ABI3BP: variants seen among roughly 807,000 people sequenced by gnomAD.
The protein encoded by ABI3BP is ABI family member 3 binding protein, also known as target of Nesh-SH3.
Under a neutral mutation model 268.6 loss-of-function variants are expected in ABI3BP, and 216 were observed. The observed-to-expected ratio is 0.80, with a 90% CI of 0.72 to 0.90. ABI3BP has a LOEUF of 0.90. Among genes scored for constraint, ABI3BP ranks in the 40% least tolerant of loss-of-function variants. The pLI is 0.00. For missense variants in ABI3BP, 2,090 were observed against 2,182.4 expected (o/e 0.96, Z 0.84); for synonymous variants, 730 against 730.0 (o/e 1.00, Z 0.00).
chr3:100,802,653 TCTGAGA>T (rs1255131413), intron 51 of ABI3BP, among the ~76,000 whole-genome samples: 1 of 152,066 alleles, frequency 6.6e-6, no homozygotes, highest in African/African-American at 2.4e-5. Flanking sequence ...GTACAATGAA[TCTGAGA>T]CTGACTTCCT....
chr3:100,988,364 T>C (rs1378811575), intron 1 of ABI3BP, among the ~76,000 whole-genome samples: 1 of 152,136 alleles, frequency 6.6e-6, no homozygotes, highest in Non-Finnish European at 1.5e-5. Context: ...TCAGGCCAGA[T>C]AGAGACAAGG....
chr3:100,850,287 T>C (rs1425287144), intron 16 of ABI3BP, among the ~76,000 whole-genome samples, 168 bp from the exon 17 acceptor site: 1 of 152,130 alleles, frequency 6.6e-6, no homozygotes, highest in African/African-American at 2.4e-5. Context: ...TGATTTAAAG[T>C]AGGGAAAAGG....
In ABI3BP at chr3:100,800,391, A is replaced by G. The variant is rs146938659; in HGVS notation, c.3758-3923T>C. ...CTTAGCATAACCTAAAAGCCTTCAA[A>G]CATATGAATCCAATTTACATTAAGT... is the stretch of plus-strand genomic sequence containing the variant. On this transcript the variant is annotated intron_variant, in intron 51 of 67. Coordinates refer to ENST00000471714, the MANE Select transcript of ABI3BP (RefSeq NM_001375547.2). 2.0e-5 allele frequency among the ~76,000 whole-genome samples: 3 copies of G among 152,338 alleles called. No homozygotes were observed. The East Asian group carries it at 5.8e-4, about 29-fold the overall frequency.
intron 62 of ABI3BP, among the ~76,000 whole-genome samples, chr3:100,767,753 G>A (rs943343859): frequency 6.6e-5 from 10 of 152,132 alleles, no homozygotes; most frequent in African/African-American, 2.4e-4. Context: ...GGTGGAAAGT[G>A]CCTTGATAGT....
Position 100,901,405 on chromosome 3 carries a change from A to G in ABI3BP, c.328+1213T>C, listed in dbSNP as rs147860061. ...CAAAAAGATCCTTTTATCGTGTGGT[A>G]TCCAGTGTACCATAAAAGATGAACA... On this transcript the variant is annotated intron_variant, in intron 3 of 67. Transcript: ENST00000471714. Among the ~76,000 whole-genome samples, 703 of 152,064 alleles carry G rather than the reference A, an allele frequency of 4.6e-3. 3 individuals carry two copies. The highest frequency in any genetic ancestry group is 8.1e-3 in the Non-Finnish European group (550 of 67,940).
chr3:100,830,102 CATACATACAT>C (rs2098458620), intron 32 of ABI3BP, among the ~76,000 whole-genome samples: 1 of 56,212 alleles, frequency 1.8e-5, no homozygotes, highest in African/African-American at 8.3e-5. Context: ...TACATACATA[CATACATACAT>C]ATATATATAT....
intron 19 of ABI3BP, 149 bp from the exon 20 acceptor site, chr3:100,846,595 G>T: frequency 3.7e-6 from 2 of 544,096 alleles, no homozygotes; most frequent in Non-Finnish European, 6.4e-6. Context: ...TCCATTAAGA[G>T]AATATTTCAT....
intron 51 of ABI3BP, among the ~76,000 whole-genome samples, chr3:100,801,025 T>C (rs1001325599): frequency 6.6e-6 from 1 of 152,142 alleles, no homozygotes; most frequent in African/African-American, 2.4e-5. Context: ...TGTTGGGTGG[T>C]AGAGATTATA....
intron 20 of ABI3BP, chr3:100,843,543 GA>G (rs2098733361): frequency 6.0e-6 from 1 of 167,742 alleles, no homozygotes; most frequent in African/African-American, 1.3e-4. Context: ...GTGTGTGTGT[GA>G]GAGAGAGAGA....
At chr3:100,843,985 T>C in intron 20 of ABI3BP, 1 of 984,798 alleles carries the variant, frequency 1.0e-6, no homozygotes, top group Non-Finnish European at 1.2e-6. Context: ...GGGATAGAAC[T>C]CCATCAATTA....
intron 63 of ABI3BP, among the ~76,000 whole-genome samples, chr3:100,761,525 T>A (rs1431300263): frequency 2.0e-5 from 3 of 152,060 alleles, no homozygotes; most frequent in Non-Finnish European, 4.4e-5. Flanking sequence ...AACTCTACCA[T>A]TAGCAAAACA....
chr3:100,956,214 AACACACACACACACACACACACAC>A (rs58723365), intron 1 of ABI3BP, among the ~76,000 whole-genome samples: 1 of 133,708 alleles, frequency 7.5e-6, no homozygotes, highest in Non-Finnish European at 1.6e-5. Flanking sequence ...AAAGAAAAAC[AACACACACACACACACACACACAC>A]ACACACACAC....
Position 100,767,438 on chromosome 3 carries a change from C to G in ABI3BP, c.4742-1489G>C, listed in dbSNP as rs910509632. Among the ~76,000 whole-genome samples the G allele has an allele frequency of 2.0e-5, 3 of 151,852 alleles. No individual in the cohort carries two copies. The East Asian group carries it at 5.8e-4, about 29-fold the overall frequency. On this transcript the variant is annotated intron_variant, in intron 62 of 67. Coordinates refer to ENST00000471714, the MANE Select transcript of ABI3BP (RefSeq NM_001375547.2). ...GCTGTCACTGAGACTTCTTTTTGATCCAAAACTATCTCTCAGCTGGCTCTC... is the reference window on the plus strand; with the variant it reads ...GCTGTCACTGAGACTTCTTTTTGATGCAAAACTATCTCTCAGCTGGCTCTC...
chr3:100,922,016 G>A (rs2060373717), intron 2 of ABI3BP, among the ~76,000 whole-genome samples: 1 of 152,232 alleles, frequency 6.6e-6, no homozygotes, highest in African/African-American at 2.4e-5. Context: ...AATTCACTGT[G>A]TTTGGGTATA....
chr3:100,988,222 A>G (rs1289079597), intron 1 of ABI3BP, among the ~76,000 whole-genome samples: 4 of 152,194 alleles, frequency 2.6e-5, no homozygotes, highest in Admixed American at 2.0e-4. Context: ...TGTTTTGTCA[A>G]AGTGAGGTTG....
chr3:100,823,791 GA>G (rs2098297921), intron 36 of ABI3BP, among the ~76,000 whole-genome samples: 1 of 152,138 alleles, frequency 6.6e-6, no homozygotes, highest in African/African-American at 2.4e-5. Context: ...TTCTGATATG[GA>G]AAACTGCACT....
intron 1 of ABI3BP, among the ~76,000 whole-genome samples, chr3:100,966,277 A>G (rs2081269567): frequency 6.6e-6 from 1 of 152,238 alleles, no homozygotes; most frequent in South Asian, 2.1e-4. Context: ...CATCTAGCTA[A>G]CAGGGTAAGA....
intron 17 of ABI3BP, among the ~76,000 whole-genome samples, chr3:100,849,224 C>CTTTTTT (rs547312079): frequency 4.8e-5 from 6 of 125,548 alleles, no homozygotes; most frequent in African/African-American, 9.2e-5. Context: ...TTTGGAACTA[C>CTTTTTT]TTTTTTTTTT....
At chr3:100,867,286 G>T (rs1412895591) in intron 9 of ABI3BP, among the ~76,000 whole-genome samples, 1 of 152,236 alleles carries the variant, frequency 6.6e-6, no homozygotes, top group South Asian at 2.1e-4. Context: ...GGCATAGGTT[G>T]TATTGCAAAT....
Sources: gnomAD v4.1 joint callset for allele counts (sites outside exome capture counted in the v4.1 genomes callset) on GRCh38, gnomAD v4.1.1 for gene constraint, MANE v1.5 for transcripts, NCBI Gene and HGNC (gene_info 2026-07-23, HGNC 2026-07-21) for gene names.